Variants in KLHL8 observed in about 807,000 individuals in gnomAD.
The protein encoded by KLHL8 is kelch-like protein 8.
KLHL8 carries 38 observed loss-of-function variants against 63.5 expected under a neutral mutation model. The ratio of observed to expected loss-of-function variants is 0.60; its 90% CI spans 0.46 to 0.78. The LOEUF is 0.78. Among genes scored for constraint, KLHL8 ranks in the 30% least tolerant of loss-of-function variants. The pLI is 0.00. For missense variants in KLHL8, 566 were observed against 752.4 expected, an observed-to-expected ratio of 0.75 and a Z score of 2.90; for synonymous variants, 224 against 254.3, an observed-to-expected ratio of 0.88 and a Z score of 1.13.
rs1731221273 is a variant in KLHL8 at position 87,185,591 on chromosome 4, T to C, written c.425A>G (p.Tyr142Cys). The C allele has an allele frequency of 1.2e-6, 2 of 1,614,192 alleles. No individual in the cohort carries two copies. The highest frequency in any genetic ancestry group is 1.7e-6 in the Non-Finnish European group (2 of 1,180,022). Residue 142 changes from tyrosine (Y) to cysteine (C), a missense_variant, in exon 3 of 10, where the codon TAT (tyrosine) becomes TGT (cysteine). Tyr to Cys is a radical substitution (Grantham distance 194). Transcript: ENST00000273963. ...TTCAACCTGCAGAATACAGGCTGCA[T>C]ATAAGAGAGGCTGGACATTGTCAAC... Reference protein sequence around the residue: ...LTVDNVQPLLYAACILQVELV... With the variant: ...LTVDNVQPLLCAACILQVELV...
chr4:87,191,779 A>G (rs746689671), intron 2 of KLHL8, among the ~76,000 whole-genome samples: 1 of 145,872 alleles, frequency 6.9e-6, no homozygotes, highest in Non-Finnish European at 1.5e-5. Flanking sequence ...CTTCCCCCAT[A>G]TTGTATCCAC....
At chr4:87,212,340 A>G (rs1465689146) in intron 1 of KLHL8, among the ~76,000 whole-genome samples, 1 of 152,162 alleles carries the variant, frequency 6.6e-6, no homozygotes, top group African/African-American at 2.4e-5. Flanking sequence ...ACCAGTTACC[A>G]ATGAGCTGGG....
chr4:87,165,816 A>G (rs1212990764), intron 8 of KLHL8, among the ~76,000 whole-genome samples: 2 of 152,202 alleles, frequency 1.3e-5, no homozygotes. Flanking sequence ...AAAAAGCAAA[A>G]TGCAATTAGG....
In KLHL8 at chr4:87,226,966, AT is replaced by A. The variant is rs1333931887; in HGVS notation, n.58-5577del. Among the ~76,000 whole-genome samples the A allele has an allele frequency of 7.0e-5, 4 of 57,180 alleles. 1 individual carries two copies. The highest frequency in any genetic ancestry group is 1.6e-4 in the African/African-American group (3 of 18,342). The allele number at this position is 57,180 out of a possible 152,430, so 37.5% of individuals were successfully genotyped here. ...TATATATTATATATAAGTAATATAT[AT>A]TATATATAAATAATATATAATATAT... On this transcript the variant is annotated intron_variant and non_coding_transcript_variant, in intron 1 of 1. Transcript: ENST00000506274.
chr4:87,192,904 TA>T (rs1285602651), intron 2 of KLHL8, among the ~76,000 whole-genome samples: 1 of 152,178 alleles, frequency 6.6e-6, no homozygotes. Context: ...CAGTATAAGG[TA>T]TTTTTTTTAA....
intron 1 of KLHL8, among the ~76,000 whole-genome samples, chr4:87,226,771 T>TA (rs1733004686): frequency 5.0e-5 from 1 of 19,976 alleles, no homozygotes; most frequent in South Asian, 1.7e-3. Flanking sequence ...ATATATAATA[T>TA]ATATTATATA....
At chr4:87,169,163 G>T (rs144750270) in intron 8 of KLHL8, among the ~76,000 whole-genome samples, 3 of 152,094 alleles carry the variant, frequency 2.0e-5, no homozygotes, top group African/African-American at 7.2e-5. Context: ...AAATTAGCTG[G>T]GCACGGTAGC....
At chr4:87,214,919 C>T (rs1325069545) in intron 1 of KLHL8, among the ~76,000 whole-genome samples, 1 of 152,082 alleles carries the variant, frequency 6.6e-6, no homozygotes, top group Non-Finnish European at 1.5e-5. Flanking sequence ...CAGCCTCCGC[C>T]TCTCAAGTAG....
At chr4:87,239,078 A>G (rs1375177743) in intron 1 of KLHL8, among the ~76,000 whole-genome samples, 1 of 152,208 alleles carries the variant, frequency 6.6e-6, no homozygotes, top group Non-Finnish European at 1.5e-5. Context: ...CTTCAATACA[A>G]TATATACCTT....
rs1257915722 is a variant in KLHL8, at chr4:87,220,549, G to C, written c.-283C>G. On this transcript the variant is annotated 5_prime_UTR_variant, in exon 1 of 10. Coordinates refer to ENST00000273963, the MANE Select transcript of KLHL8 (RefSeq NM_020803.5). ...GCACCCGGCGGACGCGCGCTCTCCTGCGCGGCCCCGCGGAGCCCCGGCGGG... is the reference window on the plus strand; with the variant it reads ...GCACCCGGCGGACGCGCGCTCTCCTCCGCGGCCCCGCGGAGCCCCGGCGGG... 4 of 152,042 alleles carry C rather than the reference G, an allele frequency of 2.6e-5. No individual in the cohort carries two copies. The allele number at this position is 152,042 out of a possible 1,614,324, so 9.4% of individuals were successfully genotyped here.
Position 87,170,488 on chromosome 4 carries a change from T to A in KLHL8, c.1336A>T (p.Met446Leu). 6.2e-7 allele frequency: 1 copy of A among 1,611,840 alleles called. No homozygotes were observed. Among genetic ancestry groups the A allele is most frequent in the Non-Finnish European group, 8.5e-7 (1 of 1,179,472 alleles). The stretch of plus-strand genomic sequence containing the variant: ...CCAACTCCTCCACGGGGAGTATTCA[T>A]TGGTGCCACTGTACTCCACTGATCA... ...ESDQWSTVAP[M>L]NTPRGGVGSV... The change falls in exon 7 of 10, where the codon ATG becomes TTG. Residue 446 changes from methionine to leucine, a missense_variant. Physicochemically the swap from Met to Leu is conservative, Grantham distance 15 (BLOSUM62 2). Transcript: ENST00000273963.
intron 1 of KLHL8, among the ~76,000 whole-genome samples, chr4:87,239,108 C>A (rs934177139): frequency 3.3e-5 from 5 of 152,118 alleles, no homozygotes; most frequent in Non-Finnish European, 7.3e-5. Context: ...CAGTAAGGTT[C>A]TTCTCTAAGT....
At chr4:87,178,263 A>G (rs986635561) in intron 5 of KLHL8, among the ~76,000 whole-genome samples, 3 of 152,112 alleles carry the variant, frequency 2.0e-5, no homozygotes, top group African/African-American at 7.2e-5. Flanking sequence ...GAATAGTTTA[A>G]CTCTTTATAT....
At chr4:87,187,235 A>G (rs1019478782) in intron 2 of KLHL8, among the ~76,000 whole-genome samples, 1 of 151,944 alleles carries the variant, frequency 6.6e-6, no homozygotes, top group South Asian at 2.1e-4. Flanking sequence ...GAGTGTTGTT[A>G]TTGTTGTTGT....
At chr4:87,220,756 T>C (rs988904871), upstream of KLHL8, 2 of 152,222 alleles carry the variant, frequency 1.3e-5, no homozygotes, top group Non-Finnish European at 2.9e-5. Context: ...GACTGGGCAG[T>C]GTTGCCCGGC....
chr4:87,223,848 G>C (rs28513782), upstream of KLHL8, among the ~76,000 whole-genome samples: 1 of 151,840 alleles, frequency 6.6e-6, no homozygotes, highest in South Asian at 2.1e-4. Flanking sequence ...TAAATCGGAC[G>C]AAATGTCTTC....
At chr4:87,213,459 T>C (rs950449064) in intron 1 of KLHL8, among the ~76,000 whole-genome samples, 1 of 152,210 alleles carries the variant, frequency 6.6e-6, no homozygotes, top group Non-Finnish European at 1.5e-5. Flanking sequence ...ACTGAAGGGA[T>C]AGCTATGCCA....
At chr4:87,217,196 C>T (rs1161794733) in intron 1 of KLHL8, among the ~76,000 whole-genome samples, 1 of 151,732 alleles carries the variant, frequency 6.6e-6, no homozygotes, top group East Asian at 1.9e-4. Context: ...ATTTAAAATG[C>T]TCAACTCCCT....
intron 8 of KLHL8, chr4:87,167,537 G>T: frequency 1.8e-6 from 1 of 541,396 alleles, no homozygotes; most frequent in Non-Finnish European, 3.7e-6. Flanking sequence ...ATCAGAACTC[G>T]AATGGCCTTG....
Sources: gnomAD v4.1 joint callset for allele counts (sites outside exome capture counted in the v4.1 genomes callset) on GRCh38, gnomAD v4.1.1 for gene constraint, MANE v1.5 for transcripts, NCBI Gene and HGNC (gene_info 2026-07-23, HGNC 2026-07-21) for gene names.